Variants in FIP1L1 observed in about 807,000 individuals in gnomAD.
FIP1L1 encodes factor interacting with PAPOLA and CPSF1, also known as pre-mRNA 3'-end-processing factor FIP1.
Under a neutral mutation model 84.6 loss-of-function variants are expected in FIP1L1, and 21 were observed. That is an observed-to-expected ratio of 0.25 (90% CI 0.18 to 0.36). The LOEUF (loss-of-function observed/expected upper bound fraction) is 0.36, where lower values mean the gene tolerates loss of function less well. Ranked by LOEUF, FIP1L1 falls within the 10% of genes least tolerant of loss-of-function variation. FIP1L1 has a pLI of 1.00. For synonymous variants in FIP1L1, 263 were observed against 242.3 expected, an observed-to-expected ratio of 1.09 and a Z score of -0.80; for missense variants, 526 against 751.1, an observed-to-expected ratio of 0.70 and a Z score of 3.50.
At chr4:53,400,794 T>C (rs1234278616) in intron 10 of FIP1L1, among the ~76,000 whole-genome samples, 5 of 152,220 alleles carry the variant, frequency 3.3e-5, no homozygotes, top group Non-Finnish European at 5.9e-5. Flanking sequence ...AATGTGATTA[T>C]TTAAGCTAAA....
At chr4:53,428,953 G>C (rs1053816125) in intron 13 of FIP1L1, among the ~76,000 whole-genome samples, 6 of 152,198 alleles carry the variant, frequency 3.9e-5, no homozygotes, top group African/African-American at 1.2e-4. Flanking sequence ...AAAGACGTAT[G>C]TTAGGCTTTA....
In FIP1L1 at chr4:53,452,908, T is replaced by G. The variant is rs1351206571; in HGVS notation, c.1286-12T>G. 14 of 1,610,854 alleles carry G rather than the reference T, an allele frequency of 8.7e-6. No individual in the cohort carries two copies. The East Asian group carries it at 2.5e-4, about 28-fold the overall frequency. The stretch of plus-strand genomic sequence containing the variant: ...ACCATAACGTTTGTTTTTAATCGTG[T>G]TTTTTCTTTAGTTGCCTTTCCCCAT... On this transcript the variant is annotated splice_polypyrimidine_tract_variant and intron_variant, in intron 15 of 17. Coordinates refer to ENST00000337488, the MANE Select transcript of FIP1L1 (RefSeq NM_030917.4).
At chr4:53,455,661 T>C (rs897176994) in intron 16 of FIP1L1, among the ~76,000 whole-genome samples, 13 of 152,132 alleles carry the variant, frequency 8.5e-5, no homozygotes, top group Admixed American at 7.2e-4. Context: ...AGAGATATTA[T>C]AACAAATTAC....
chr4:53,418,213 G>A (rs767785585), intron 11 of FIP1L1, among the ~76,000 whole-genome samples: 2 of 152,118 alleles, frequency 1.3e-5, no homozygotes, highest in Admixed American at 6.5e-5. Flanking sequence ...CACTGGACAG[G>A]TGAGGCTGCA....
intron 13 of FIP1L1, among the ~76,000 whole-genome samples, chr4:53,432,711 G>A (rs186726217): frequency 1.2e-4 from 19 of 152,264 alleles, no homozygotes; most frequent in Non-Finnish European, 2.1e-4. Flanking sequence ...AGGAAGCGGG[G>A]ACCTAAGTCA....
chr4:53,385,682 A>G (rs1306762344), intron 5 of FIP1L1, among the ~76,000 whole-genome samples: 1 of 152,188 alleles, frequency 6.6e-6, no homozygotes, highest in Middle Eastern at 3.2e-3. Context: ...AATGCTCACA[A>G]AAGTTGAAGG....
chr4:53,439,217 T>C (rs1224135002), intron 13 of FIP1L1, among the ~76,000 whole-genome samples: 1 of 152,130 alleles, frequency 6.6e-6, no homozygotes, highest in African/African-American at 2.4e-5. Context: ...TCTTTTAGTT[T>C]AGTAATTTGG....
At chr4:53,451,939 A>G (rs1256546476) in intron 15 of FIP1L1, among the ~76,000 whole-genome samples, 1 of 148,820 alleles carries the variant, frequency 6.7e-6, no homozygotes, top group Non-Finnish European at 1.5e-5. Context: ...TCCGGAGTAT[A>G]GTGGTGCAAT....
At chr4:53,443,945 G>A (rs1773103293) in intron 14 of FIP1L1, 103 bp from the exon 15 acceptor site, 1 of 623,572 alleles carries the variant, frequency 1.6e-6, no homozygotes, top group Non-Finnish European at 2.8e-6. Context: ...ATTGGTGGTT[G>A]GATAAAAGTT....
chr4:53,437,984 G>A (rs1223671075), intron 13 of FIP1L1, among the ~76,000 whole-genome samples: 2 of 151,890 alleles, frequency 1.3e-5, no homozygotes, highest in Non-Finnish European at 2.9e-5. Context: ...CTTGGCCTCC[G>A]GAAGTACTGG....
At chr4:53,446,138 C>G (rs937827246) in intron 15 of FIP1L1, among the ~76,000 whole-genome samples, 15 of 152,070 alleles carry the variant, frequency 9.9e-5, no homozygotes, top group African/African-American at 3.6e-4. Context: ...TCATTCACTA[C>G]AAAAGATGGT....
Position 53,460,618 on chromosome 4 carries a change from G to A in FIP1L1, c.*1169G>A, listed in dbSNP as rs1462579066. The stretch of plus-strand genomic sequence containing the variant: ...TTTAAATCAGCTTGAATTCAGTGGG[G>A]TATACAAATCATTTTAGTTGTTTTA... On this transcript the variant is annotated 3_prime_UTR_variant, in exon 18 of 18. Coordinates refer to ENST00000337488, the MANE Select transcript of FIP1L1 (RefSeq NM_030917.4). The A allele has an allele frequency of 1.6e-5, 5 of 304,528 alleles. No individual in the cohort carries two copies. Among genetic ancestry groups the A allele is most frequent in the Non-Finnish European group, 2.9e-5 (5 of 171,732 alleles). The allele number at this position is 304,528 out of a possible 1,614,324, so 18.9% of individuals were successfully genotyped here. A position where few individuals can be genotyped will look rare whatever the true frequency, so the allele number is the denominator to read the frequency against.
In FIP1L1 at chr4:53,431,737, G is replaced by C. The variant is rs76594108; in HGVS notation, c.1174+3554G>C. ...TTCATTCTTAGAAAGAAATTCCCTGGTTTAGATGATACAATTTCTGATTGA... is the reference window on the plus strand; with the variant it reads ...TTCATTCTTAGAAAGAAATTCCCTGCTTTAGATGATACAATTTCTGATTGA... On this transcript the variant is annotated intron_variant, in intron 13 of 17. Transcript: ENST00000337488. Among the ~76,000 whole-genome samples, 1,448 of 152,232 alleles carry C rather than the reference G, an allele frequency of 9.5e-3. 31 individuals are homozygous for C. The highest frequency in any genetic ancestry group is 0.033 in the African/African-American group (1,375 of 41,522).
At chr4:53,413,476 C>T (rs1034952456) in intron 10 of FIP1L1, among the ~76,000 whole-genome samples, 1 of 152,000 alleles carries the variant, frequency 6.6e-6, no homozygotes, top group South Asian at 2.1e-4. Flanking sequence ...ATTTGAACAT[C>T]ACAGGATTCT....
intron 11 of FIP1L1, among the ~76,000 whole-genome samples, chr4:53,416,629 A>C (rs1759617470): frequency 6.6e-6 from 1 of 152,180 alleles, no homozygotes; most frequent in African/African-American, 2.4e-5. Context: ...TTGTAGTACC[A>C]ATAGTTCAGG....
chr4:53,458,284 T>C (rs1298106801), intron 16 of FIP1L1, among the ~76,000 whole-genome samples: 2 of 152,282 alleles, frequency 1.3e-5, no homozygotes, highest in East Asian at 3.9e-4. Flanking sequence ...ACTATTTTAA[T>C]TCTAAAAGGA....
At chr4:53,404,670 C>A (rs1317536771) in intron 10 of FIP1L1, among the ~76,000 whole-genome samples, 1 of 151,952 alleles carries the variant, frequency 6.6e-6, no homozygotes, top group African/African-American at 2.4e-5. Flanking sequence ...CTCTCCAGCA[C>A]GTGTTGTTTC....
intron 13 of FIP1L1, among the ~76,000 whole-genome samples, chr4:53,437,995 G>A (rs1770203230): frequency 6.6e-6 from 1 of 152,088 alleles, no homozygotes. Context: ...GAAGTACTGG[G>A]ATTACGGGTG....
At chr4:53,411,553 T>G (rs1425238748) in intron 10 of FIP1L1, among the ~76,000 whole-genome samples, 1 of 152,100 alleles carries the variant, frequency 6.6e-6, no homozygotes, top group African/African-American at 2.4e-5. Flanking sequence ...GTATTGACCT[T>G]AGGGAGAAAA....
Sources: gnomAD v4.1 joint callset for allele counts (sites outside exome capture counted in the v4.1 genomes callset) on GRCh38, gnomAD v4.1.1 for gene constraint, MANE v1.5 for transcripts, NCBI Gene and HGNC (gene_info 2026-07-23, HGNC 2026-07-21) for gene names.